The following P4HA1 variants were observed in gnomAD, a reference collection of about 807,000 sequenced individuals.
The protein encoded by P4HA1 is prolyl 4-hydroxylase subunit alpha 1, also known as prolyl 4-hydroxylase subunit alpha-1.
In P4HA1, 24 loss-of-function variants were observed where a neutral mutation model predicts 72.8. The ratio of observed to expected loss-of-function variants is 0.33; its 90% CI spans 0.24 to 0.46. P4HA1 has a LOEUF of 0.46. Among genes scored for constraint, P4HA1 ranks in the 20% least tolerant of loss-of-function variants. P4HA1 has a pLI of 1.00. For missense variants in P4HA1, 446 were observed against 640.6 expected (o/e 0.70, Z 3.28); for synonymous variants, 201 against 218.8 (o/e 0.92, Z 0.72).
chr10:73,026,006 A>G (rs1461988029), intron 10 of P4HA1, among the ~76,000 whole-genome samples: 1 of 152,234 alleles, frequency 6.6e-6, no homozygotes, highest in African/African-American at 2.4e-5. Flanking sequence ...GGAAGAATCA[A>G]TATCGTGAAA....
chr10:73,028,467 C>T (rs1840347277), intron 10 of P4HA1, among the ~76,000 whole-genome samples: 3 of 152,016 alleles, frequency 2.0e-5, no homozygotes, highest in Admixed American at 1.3e-4. Context: ...GTTTTGCTCT[C>T]GTTGCCCAGG....
chr10:73,069,062 C>A (rs1841490471), intron 4 of P4HA1, 79 bp from the exon 5 acceptor site: 1 of 1,092,158 alleles, frequency 9.2e-7, no homozygotes, highest in South Asian at 1.5e-5. Context: ...AAGGATTGTT[C>A]AAAATCTATT....
At chr10:73,023,998 T>C (rs1166218468) in intron 10 of P4HA1, among the ~76,000 whole-genome samples, 1 of 152,154 alleles carries the variant, frequency 6.6e-6, no homozygotes, top group African/African-American at 2.4e-5. Flanking sequence ...GGCAAGTCCT[T>C]AGAGTCCTAA....
intron 1 of P4HA1, chr10:73,082,527 G>C (rs1564637543): frequency 6.6e-6 from 1 of 152,084 alleles, no homozygotes. Context: ...TGGGAGTGCA[G>C]AAAAAACAAA....
At chr10:73,050,316 A>G (rs1431906037) in intron 7 of P4HA1, among the ~76,000 whole-genome samples, 1 of 152,194 alleles carries the variant, frequency 6.6e-6, no homozygotes, top group African/African-American at 2.4e-5. Context: ...TATATGATTC[A>G]CAAGCTTTAT....
At chr10:73,091,427 A>G (rs1842029861) in intron 1 of P4HA1, among the ~76,000 whole-genome samples, 1 of 152,146 alleles carries the variant, frequency 6.6e-6, no homozygotes, top group Admixed American at 6.6e-5. Flanking sequence ...TCAGCCTCCC[A>G]AAGCACTGGG....
intron 10 of P4HA1, among the ~76,000 whole-genome samples, chr10:73,026,664 C>G (rs953064553): frequency 2.0e-4 from 31 of 152,150 alleles, no homozygotes; most frequent in Admixed American, 2.0e-3. Flanking sequence ...TCAGAGTGAA[C>G]AGGCAACCTA....
At position 73,007,716 on chromosome 10, in the gene P4HA1, T is replaced by G. The variant is rs1335409937; in HGVS notation, c.*506A>C. ...AGACTTGGGAGGAAAAAAATCAACT[T>G]AGAAGATCATATGAAAGGGCAATCA... On this transcript the variant is annotated 3_prime_UTR_variant, in exon 15 of 15. Transcript: ENST00000394890. The G allele has an allele frequency of 2.0e-5, 3 of 152,208 alleles. No homozygotes were observed. Among genetic ancestry groups the G allele is most frequent in the Non-Finnish European group, 4.4e-5 (3 of 68,108 alleles). 9.4% of individuals were successfully genotyped at this position (152,208 alleles called of 1,614,324 possible). A position where few individuals can be genotyped will look rare whatever the true frequency, so the allele number is the denominator to read the frequency against.
chr10:73,027,877 G>A (rs371427991), intron 10 of P4HA1, among the ~76,000 whole-genome samples: 7 of 131,314 alleles, frequency 5.3e-5, no homozygotes, highest in Admixed American at 3.0e-4. Flanking sequence ...AGAGAGGGAG[G>A]GAGGGAGGGA....
intron 6 of P4HA1, among the ~76,000 whole-genome samples, chr10:73,053,066 A>G (rs1281717199): frequency 1.3e-5 from 2 of 152,230 alleles, no homozygotes; most frequent in Non-Finnish European, 2.9e-5. Flanking sequence ...AAATGGCAAC[A>G]TGGTAAACAA....
intron 13 of P4HA1, 66 bp downstream of exon 13, chr10:73,010,903 G>A (rs1410717943): frequency 9.2e-7 from 1 of 1,084,402 alleles, no homozygotes; most frequent in Non-Finnish European, 1.4e-6. Context: ...ATTAGACCAT[G>A]AATACAAGTG....
intron 9 of P4HA1, among the ~76,000 whole-genome samples, chr10:73,032,908 A>T (rs1183386846): frequency 6.6e-6 from 1 of 152,240 alleles, no homozygotes; most frequent in Non-Finnish European, 1.5e-5. Context: ...TCTTAGATTT[A>T]TCCTATATTA....
chr10:73,072,314 G>GTA, intron 3 of P4HA1, 134 bp from the exon 4 acceptor site: 1 of 650,062 alleles, frequency 1.5e-6, no homozygotes, highest in East Asian at 2.7e-5. Context: ...TAAAGTAAAA[G>GTA]TATACGGTCT....
intron 5 of P4HA1, among the ~76,000 whole-genome samples, chr10:73,067,366 G>C (rs1227879880): frequency 6.6e-6 from 1 of 152,060 alleles, no homozygotes; most frequent in African/African-American, 2.4e-5. Flanking sequence ...CAGCCAGAAT[G>C]GTTTTCTAAA....
intron 5 of P4HA1, among the ~76,000 whole-genome samples, chr10:73,057,735 A>G (rs879548537): frequency 6.6e-6 from 1 of 152,144 alleles, no homozygotes; most frequent in Non-Finnish European, 1.5e-5. Context: ...AAAATTCCAA[A>G]AGGAAAGTCT....
chr10:73,051,090 T>C lies in P4HA1; in HGVS notation c.863A>G (p.Lys288Arg). Reference protein sequence around the residue: ...VAVDYLPERQKYEMLCRGEGI... With the variant: ...VAVDYLPERQRYEMLCRGEGI... ...CTCCCCACGGCACAGCATTTCGTAC[T>C]TCTGTCTCTCTGGCAGGTAATCCAC... Residue 288 changes from lysine to arginine, a missense_variant, in exon 7 of 15, where the codon AAG becomes AGG. By Grantham distance (26) the Lys-to-Arg change is conservative. Transcript: ENST00000394890. 1 of 1,614,140 alleles carries C rather than the reference T, an allele frequency of 6.2e-7. No homozygotes were observed. The highest frequency in any genetic ancestry group is 8.5e-7 in the Non-Finnish European group (1 of 1,180,018).
chr10:73,076,065 AC>A (rs1841690341), intron 1 of P4HA1, among the ~76,000 whole-genome samples: 1 of 151,964 alleles, frequency 6.6e-6, no homozygotes, highest in African/African-American at 2.4e-5. Context: ...ATACAGCAAG[AC>A]CCCATCTCTA....
chr10:73,014,337 A>G (rs199574628), intron 11 of P4HA1, 48 bp from the exon 12 acceptor site: 8 of 1,334,248 alleles, frequency 6.0e-6, no homozygotes, highest in Non-Finnish European at 8.6e-6. Flanking sequence ...ATTCAGTAAT[A>G]CAAATACTCT....
At chr10:73,059,414 A>T (rs1841247053) in intron 5 of P4HA1, among the ~76,000 whole-genome samples, 1 of 135,302 alleles carries the variant, frequency 7.4e-6, no homozygotes, top group Non-Finnish European at 1.6e-5. Context: ...AAATAATGAG[A>T]CAATATATTT....
Sources: gnomAD v4.1 joint callset for allele counts (sites outside exome capture counted in the v4.1 genomes callset) on GRCh38, gnomAD v4.1.1 for gene constraint, MANE v1.5 for transcripts, NCBI Gene and HGNC (gene_info 2026-07-23, HGNC 2026-07-21) for gene names.